ATP13A4: variants seen among roughly 807,000 people sequenced by gnomAD.
ATP13A4 encodes the protein ATPase 13A4.
Under a neutral mutation model 142.5 loss-of-function variants are expected in ATP13A4, and 114 were observed. That is an observed-to-expected ratio of 0.80 (90% CI 0.69 to 0.93). The LOEUF is 0.93. Ranked by LOEUF, ATP13A4 falls within the 40% of genes least tolerant of loss-of-function variation. ATP13A4 has a pLI of 0.00. For synonymous variants in ATP13A4, 488 were observed against 514.8 expected (o/e 0.95, Z 0.70); for missense variants, 1,392 against 1,454.0 (o/e 0.96, Z 0.69).
chr3:193,565,433 C>T (rs1036535333), intron 2 of ATP13A4, among the ~76,000 whole-genome samples: 3 of 152,130 alleles, frequency 2.0e-5, no homozygotes, highest in African/African-American at 7.2e-5. Flanking sequence ...GGCTACTGGG[C>T]ATAGGAGCAG....
chr3:193,548,863 C>A (rs912430139), intron 1 of ATP13A4, among the ~76,000 whole-genome samples: 1 of 152,176 alleles, frequency 6.6e-6, no homozygotes, highest in Admixed American at 6.5e-5. Flanking sequence ...AAAGAGTTTA[C>A]CGTGCTTTTC....
At chr3:193,531,403 AAAGG>A (rs1026727475) in intron 1 of ATP13A4, among the ~76,000 whole-genome samples, 17 of 141,878 alleles carry the variant, frequency 1.2e-4, no homozygotes, top group African/African-American at 2.4e-4. Flanking sequence ...GAGGGAAGGG[AAAGG>A]AAGGAAGGAA....
intron 1 of ATP13A4, among the ~76,000 whole-genome samples, chr3:193,583,909 A>G (rs534236060): frequency 2.2e-4 from 33 of 152,344 alleles, no homozygotes; most frequent in African/African-American, 7.7e-4. Context: ...TGATAAATAT[A>G]GAAGATTTCT....
In ATP13A4 at chr3:193,439,009, T is replaced by C. The variant is rs1165533054; in HGVS notation, c.2562+14A>G. The stretch of plus-strand genomic sequence containing the variant: ...AATGTGAGATTATGGCCACACAAAC[T>C]GGTAGCTACTTACCCCACAGTCATT... On this transcript the variant is annotated intron_variant, in intron 22 of 29. Coordinates refer to ENST00000342695, the MANE Select transcript of ATP13A4 (RefSeq NM_032279.4). The C allele has an allele frequency of 3.7e-6, 6 of 1,601,748 alleles. No homozygotes were observed. The highest frequency in any genetic ancestry group is 5.1e-6 in the Non-Finnish European group (6 of 1,168,722).
intron 7 of ATP13A4, among the ~76,000 whole-genome samples, chr3:193,485,930 A>AG (rs907139413): frequency 3.3e-5 from 5 of 151,738 alleles, no homozygotes; most frequent in African/African-American, 1.2e-4. Flanking sequence ...AAGCCAAAAA[A>AG]AAAAAAGAAA....
chr3:193,586,409 T>A (rs1253923167), intron 1 of ATP13A4, among the ~76,000 whole-genome samples: 1 of 152,194 alleles, frequency 6.6e-6, no homozygotes, highest in Non-Finnish European at 1.5e-5. Context: ...CCTTGCCTAT[T>A]CCTCTTTGCA....
intron 11 of ATP13A4, 28 bp downstream of exon 11, chr3:193,465,997 A>T (rs1415704036): frequency 6.2e-7 from 1 of 1,611,282 alleles, no homozygotes; most frequent in Non-Finnish European, 8.5e-7. Flanking sequence ...GTGTGTGTGC[A>T]TTTAATAAAA....
chr3:193,484,239 C>T (rs538333975), intron 7 of ATP13A4, among the ~76,000 whole-genome samples: 1 of 152,064 alleles, frequency 6.6e-6, no homozygotes, highest in South Asian at 2.1e-4. Flanking sequence ...AATTTCCCAG[C>T]ATGCTCTTTC....
chr3:193,563,424 T>A (rs1724060831), intron 2 of ATP13A4, among the ~76,000 whole-genome samples: 1 of 152,212 alleles, frequency 6.6e-6, no homozygotes, highest in Non-Finnish European at 1.5e-5. Flanking sequence ...ATTCCAATGT[T>A]AAGAAGTCCA....
Position 193,540,978 on chromosome 3 carries a change from G to A in ATP13A4, c.60+13762C>T, listed in dbSNP as rs540503198. ...AAATCAGAACAATAGGGCCGGGCGC[G>A]GTGGCTCACGCCTGTAATCCCAGCA... On this transcript the variant is annotated intron_variant, in intron 1 of 29. Transcript: ENST00000342695. Among the ~76,000 whole-genome samples the A allele has an allele frequency of 3.3e-5, 5 of 152,210 alleles. No homozygotes were observed. The East Asian group carries it at 5.8e-4, about 18-fold the overall frequency.
In ATP13A4 at chr3:193,554,782, C is replaced by CT. The variant is rs1723811533; in HGVS notation, c.17dup (p.Gln8ProfsTer7). ...CTTCATTGAGCAGAGCGTGCTGGCC[C>CT]TTCTCAAAGTGTCCCATGAAAAAGT... On this transcript the variant is annotated frameshift_variant, in exon 1 of 30. Transcript: ENST00000342695. LOFTEE classifies it high-confidence loss of function. The CT allele has an allele frequency of 1.2e-6, 2 of 1,613,838 alleles. No homozygotes were observed. The highest frequency in any genetic ancestry group is 1.1e-5 in the South Asian group (1 of 91,070).
chr3:193,399,110 AT>A lies in ATP13A4; in HGVS notation c.*3541del, dbSNP rs1389124615. ...ATAAGGATACAGATGTCACAGACAT[AT>A]TTAGTGAGGGAAGCCCAGAGTCACG... On this transcript the variant is annotated 3_prime_UTR_variant, in exon 30 of 30. Coordinates refer to ENST00000342695, the MANE Select transcript of ATP13A4 (RefSeq NM_032279.4). Among the ~76,000 whole-genome samples, 3 of 152,204 alleles carry A rather than the reference AT, an allele frequency of 2.0e-5. No individual in the cohort carries two copies. Among genetic ancestry groups the A allele is most frequent in the Admixed American group, 2.0e-4 (3 of 15,282 alleles).
At chr3:193,512,141 A>G (rs1463865802) in intron 2 of ATP13A4, among the ~76,000 whole-genome samples, 1 of 152,182 alleles carries the variant, frequency 6.6e-6, no homozygotes, top group African/African-American at 2.4e-5. Flanking sequence ...TTTCTACTGT[A>G]GCAAAAGCGT....
At chr3:193,420,658 T>TCTTCTCC (rs1296986811) in intron 25 of ATP13A4, among the ~76,000 whole-genome samples, 72 of 148,908 alleles carry the variant, frequency 4.8e-4, no homozygotes, top group Admixed American at 2.1e-4. Flanking sequence ...ATTAGGAAAA[T>TCTTCTCC]TAGGAGAAGA....
At chr3:193,446,392 T>A (rs1716956906) in intron 18 of ATP13A4, among the ~76,000 whole-genome samples, 1 of 152,072 alleles carries the variant, frequency 6.6e-6, no homozygotes, top group South Asian at 2.1e-4. Flanking sequence ...GAAGTCTGGT[T>A]CTGATCACTG....
rs1714195969 is a variant in ATP13A4, at chr3:193,399,548, T to C, written c.*3104A>G. ...ATGAGTGTCTGTCTGGTATTCTGTG[T>C]GGGTAGTAGTAGAAAATAGTTCACA... On this transcript the variant is annotated 3_prime_UTR_variant, in exon 30 of 30. Coordinates refer to ENST00000342695, the MANE Select transcript of ATP13A4 (RefSeq NM_032279.4). Among the ~76,000 whole-genome samples the C allele has an allele frequency of 6.6e-6, 1 of 152,020 alleles. No individual in the cohort carries two copies. The highest frequency in any genetic ancestry group is 1.5e-5 in the Non-Finnish European group (1 of 68,000).
In ATP13A4 at chr3:193,456,856, G is replaced by A. The variant is rs548371246; in HGVS notation, c.1915+144C>T. On this transcript the variant is annotated intron_variant, in intron 16 of 29. Transcript: ENST00000342695. ...ACAGGAAATGAGAAAGACACGCTTG[G>A]TTTTCGTATTGAATTTGGAATGCCA... 1.2e-5 allele frequency: 12 copies of A among 1,035,068 alleles called. No individual in the cohort carries two copies. In the African/African-American group the frequency reaches 1.9e-4, roughly 17 times the overall value. 64.1% of individuals were successfully genotyped at this position (1,035,068 alleles called of 1,614,324 possible).
chr3:193,411,981 G>A (rs999301894), intron 27 of ATP13A4, among the ~76,000 whole-genome samples, 197 bp downstream of exon 27: 15 of 152,182 alleles, frequency 9.9e-5, no homozygotes, highest in African/African-American at 3.1e-4. Flanking sequence ...AGAAGCCCTA[G>A]TATTTAATGT....
intron 25 of ATP13A4, among the ~76,000 whole-genome samples, chr3:193,428,541 C>T (rs1294794109): frequency 1.3e-5 from 2 of 151,990 alleles, no homozygotes; most frequent in Admixed American, 6.6e-5. Context: ...GGAACCAACA[C>T]AAATGTCCAA....
Sources: allele counts gnomAD v4.1 joint callset (sites outside exome capture counted in the v4.1 genomes callset), GRCh38; gene constraint gnomAD v4.1.1; transcripts MANE v1.5; gene names NCBI Gene and HGNC (gene_info 2026-07-23, HGNC 2026-07-21).